DYNAP: variants seen among roughly 807,000 people sequenced by gnomAD.
DYNAP encodes the protein dynactin associated protein.
DYNAP carries 7 observed loss-of-function variants against 8.5 expected under a neutral mutation model. The ratio of observed to expected loss-of-function variants is 0.82; its 90% confidence interval spans 0.47 to 1.54. The LOEUF (loss-of-function observed/expected upper bound fraction) is 1.54, where lower values mean the gene tolerates loss of function less well. Ranked by LOEUF, DYNAP falls within the 40% of genes most tolerant of loss-of-function variation. The pLI is 0.01. For synonymous variants in DYNAP, 77 were observed against 77.9 expected, an observed-to-expected ratio of 0.99 and a Z score of 0.06; for missense variants, 256 against 224.3, an observed-to-expected ratio of 1.14 and a Z score of -0.90.
At chr18:54,581,959 A>T in the DYNAP span, among the ~76,000 whole-genome samples, 1 of 152,188 alleles carries the variant, frequency 6.6e-6, no homozygotes, top group African/African-American at 2.4e-5. Context: ...TATTAGTATA[A>T]ATTGCTGTTT....
upstream of DYNAP, among the ~76,000 whole-genome samples, chr18:54,586,356 G>A (rs1441379110): frequency 2.6e-5 from 4 of 152,084 alleles, no homozygotes; most frequent in Middle Eastern, 3.2e-3. Flanking sequence ...TGCTTGGACA[G>A]AACTTGGAGG....
the DYNAP span, among the ~76,000 whole-genome samples, chr18:54,577,637 A>G: frequency 6.6e-6 from 1 of 151,050 alleles, no homozygotes; most frequent in Non-Finnish European, 1.5e-5. Context: ...ACAAACCAGT[A>G]TCTTATTGTC....
chr18:54,596,516 A>G (rs1162567361), intron 2 of DYNAP, among the ~76,000 whole-genome samples: 1 of 152,174 alleles, frequency 6.6e-6, no homozygotes, highest in African/African-American at 2.4e-5. Context: ...TTTAAAAGCT[A>G]CCCAGATGAA....
intron 1 of DYNAP, among the ~76,000 whole-genome samples, chr18:54,594,381 A>G (rs7228621): frequency 0.081 from 12,374 of 152,178 alleles, 821 homozygotes; most frequent in African/African-American, 0.18. Flanking sequence ...TTTCACTAGT[A>G]TCATGTAGTA....
At chr18:54,585,820 G>A (rs1869048), upstream of DYNAP, among the ~76,000 whole-genome samples, 71,799 of 151,866 alleles carry the variant, frequency 0.47, 18,080 homozygotes, top group East Asian at 0.69. Flanking sequence ...CTCCAGCTTC[G>A]TGAGCTCTCG....
At chr18:54,591,445 T>G (rs1289538696) in intron 1 of DYNAP, 106 bp downstream of exon 1, 39 of 1,329,130 alleles carry the variant, frequency 2.9e-5, no homozygotes, top group Non-Finnish European at 3.8e-5. Context: ...ACATCATAAT[T>G]TTGCATTCTT....
At chr18:54,581,196 T>C in the DYNAP span, among the ~76,000 whole-genome samples, 4 of 152,372 alleles carry the variant, frequency 2.6e-5, no homozygotes, top group East Asian at 7.7e-4. Context: ...CTTCAGATTA[T>C]TTTGCTGTTT....
At chr18:54,575,638 G>C in the DYNAP span, among the ~76,000 whole-genome samples, 1 of 151,890 alleles carries the variant, frequency 6.6e-6, no homozygotes, top group Admixed American at 6.6e-5. Flanking sequence ...GGGGTCTCAC[G>C]ATGTTGCCCA....
chr18:54,598,008 T>C lies in DYNAP; in HGVS notation c.418T>C (p.Ser140Pro). 1 of 1,613,544 alleles carries C rather than the reference T, an allele frequency of 6.2e-7. No homozygotes were observed. Among genetic ancestry groups the C allele is most frequent in the Non-Finnish European group, 8.5e-7 (1 of 1,179,778 alleles). Residue 140 changes from serine to proline, a missense_variant, in exon 3 of 3, where the codon TCT (serine) becomes CCT (proline). By Grantham distance (74) the Ser-to-Pro change is moderately conservative. Coordinates refer to ENST00000648945, the MANE Select transcript of DYNAP (RefSeq NM_173629.3). ...TGTGACTGTCAAACCTGGAACACCC[T>C]CTCCTGCTTGTCCACCTACAATGAC... is the stretch of plus-strand genomic sequence containing the variant. ...ECVTVKPGTP[S>P]PACPPTMTTT...
chr18:54,582,909 AT>A (rs964320201), upstream of DYNAP, among the ~76,000 whole-genome samples: 5 of 152,088 alleles, frequency 3.3e-5, no homozygotes, highest in African/African-American at 1.2e-4. Flanking sequence ...TGACCTATAT[AT>A]TTTTTAACGT....
chr18:54,585,886 T>A (rs1350284581), upstream of DYNAP, among the ~76,000 whole-genome samples: 1 of 152,194 alleles, frequency 6.6e-6, no homozygotes, highest in South Asian at 2.1e-4. Flanking sequence ...AGCCAAGTCC[T>A]AACTTTGAAC....
chr18:54,575,839 GC>G, the DYNAP span, among the ~76,000 whole-genome samples: 1 of 151,844 alleles, frequency 6.6e-6, no homozygotes, highest in Admixed American at 6.6e-5. Context: ...ACACACACGT[GC>G]CCGTCACCCA....
At chr18:54,593,365 G>A (rs1222671121) in intron 1 of DYNAP, among the ~76,000 whole-genome samples, 2 of 151,988 alleles carry the variant, frequency 1.3e-5, no homozygotes, top group African/African-American at 2.4e-5. Context: ...TGGCAGTAGC[G>A]GTAGTAATTA....
chr18:54,578,284 C>G, the DYNAP span, among the ~76,000 whole-genome samples: 3 of 152,306 alleles, frequency 2.0e-5, no homozygotes, highest in South Asian at 6.2e-4. Flanking sequence ...TTCTGCTAGA[C>G]AGGATGCTCA....
rs1214051835 is a variant in DYNAP, at chr18:54,597,701, C to T, written c.223-112C>T. On this transcript the variant is annotated intron_variant, in intron 2 of 2. Transcript: ENST00000648945. ...GGACTTCAAGCCCATCTTTCAGAGA[C>T]ACATAGTGACTCAAATGATGTTAAC... is the stretch of plus-strand genomic sequence containing the variant. 1.3e-5 allele frequency: 14 copies of T among 1,076,770 alleles called. No individual in the cohort carries two copies. In the East Asian group the frequency reaches 3.6e-4, roughly 28 times the overall value. The allele number at this position is 1,076,770 out of a possible 1,614,324, so 66.7% of individuals were successfully genotyped here. A position where few individuals can be genotyped will look rare whatever the true frequency, so the allele number is the denominator to read the frequency against.
At chr18:54,585,242 T>C (rs1233287651), upstream of DYNAP, among the ~76,000 whole-genome samples, 1 of 152,178 alleles carries the variant, frequency 6.6e-6, no homozygotes, top group African/African-American at 2.4e-5. Context: ...ATTTTCTTTT[T>C]TTTTTAACTA....
chr18:54,578,705 TAATAG>T, the DYNAP span, among the ~76,000 whole-genome samples: 1 of 152,216 alleles, frequency 6.6e-6, no homozygotes. Context: ...GCTTTTAATA[TAATAG>T]AAGTAATGCT....
At chr18:54,587,751 C>T, upstream of DYNAP, 1 of 399,248 alleles carries the variant, frequency 2.5e-6, no homozygotes, top group Non-Finnish European at 4.4e-6. Flanking sequence ...TTGGGTCTCT[C>T]CATATAGGAG....
chr18:54,589,348 G>C (rs1002587882), upstream of DYNAP, among the ~76,000 whole-genome samples: 1 of 152,094 alleles, frequency 6.6e-6, no homozygotes, highest in Non-Finnish European at 1.5e-5. Context: ...ACTCTGAGAA[G>C]GTAATGAGAG....
Sources: gnomAD v4.1 joint callset for allele counts (sites outside exome capture counted in the v4.1 genomes callset) on GRCh38, gnomAD v4.1.1 for gene constraint, MANE v1.5 for transcripts, NCBI Gene and HGNC (gene_info 2026-07-23, HGNC 2026-07-21) for gene names.